HCRTR2: variants seen among roughly 807,000 people sequenced by gnomAD.
HCRTR2 encodes the protein hypocretin receptor 2.
HCRTR2 carries 22 observed loss-of-function variants against 49.0 expected under a neutral mutation model. That is an observed-to-expected ratio of 0.45 (90% CI 0.32 to 0.64). The LOEUF (loss-of-function observed/expected upper bound fraction) is 0.64. HCRTR2 is among the 30% of genes least tolerant of loss of function. HCRTR2 has a pLI of 0.04. For synonymous variants in HCRTR2, 236 were observed against 205.3 expected (o/e 1.15, Z -1.28); for missense variants, 491 against 559.4 (o/e 0.88, Z 1.23).
At chr6:55,127,164 A>G (rs772291465) in intron 1 of HCRTR2, among the ~76,000 whole-genome samples, 4 of 152,082 alleles carry the variant, frequency 2.6e-5, no homozygotes, top group African/African-American at 9.7e-5. Flanking sequence ...CCAAACGGCC[A>G]CCAAGTTTTG....
chr6:55,116,513 A>G (rs925236327), intron 1 of HCRTR2, among the ~76,000 whole-genome samples: 1 of 150,148 alleles, frequency 6.7e-6, no homozygotes, highest in African/African-American at 2.5e-5. Flanking sequence ...AGAAGAAAGG[A>G]AAGAGGGAAG....
chr6:55,238,654 A>G (rs1305080207), intron 1 of HCRTR2, among the ~76,000 whole-genome samples: 1 of 152,214 alleles, frequency 6.6e-6, no homozygotes, highest in Non-Finnish European at 1.5e-5. Flanking sequence ...AGTTGTAGTC[A>G]GAGATTCTGG....
chr6:55,231,957 G>T (rs539460248), intron 1 of HCRTR2, among the ~76,000 whole-genome samples: 5 of 152,172 alleles, frequency 3.3e-5, no homozygotes, highest in Non-Finnish European at 7.4e-5. Context: ...CACTCCTCCT[G>T]CTGTGATCAG....
intron 1 of HCRTR2, among the ~76,000 whole-genome samples, chr6:55,118,733 T>A (rs1376485877): frequency 6.6e-6 from 1 of 151,766 alleles, no homozygotes; most frequent in Non-Finnish European, 1.5e-5. Context: ...TTTTGCCCAC[T>A]TTTTAATGGG....
intron 1 of HCRTR2, among the ~76,000 whole-genome samples, chr6:55,139,771 T>C (rs1319733698): frequency 1.3e-5 from 2 of 152,184 alleles, no homozygotes; most frequent in East Asian, 3.9e-4. Flanking sequence ...TTTCTCTAGA[T>C]TGGTCAAAGA....
At chr6:55,121,412 A>C (rs1012558980) in intron 1 of HCRTR2, among the ~76,000 whole-genome samples, 1 of 152,182 alleles carries the variant, frequency 6.6e-6, no homozygotes, top group Non-Finnish European at 1.5e-5. Context: ...CAATCATGTC[A>C]TCTGCAAGCA....
At position 55,282,275 on chromosome 6, in the gene HCRTR2, G is replaced by C. The variant is rs375477231; in HGVS notation, c.1156G>C (p.Val386Leu). The change falls in exon 7 of 7, where the codon GTT becomes CTT. Residue 386 changes from valine to leucine, a missense_variant. Physicochemically the swap from Val to Leu is conservative, Grantham distance 32. Coordinates refer to ENST00000370862, the MANE Select transcript of HCRTR2 (RefSeq NM_001384272.1). Reference protein sequence around the residue: ...KAAFSCCCLGVHHRQEDRLTR... With the variant: ...KAAFSCCCLGLHHRQEDRLTR... ...TGCGTTTTCTTGCTGTTGCCTTGGA[G>C]TTCACCATCGCCAGGAGGATCGGCT... is the stretch of plus-strand genomic sequence containing the variant. 19 of 1,613,794 alleles carry C rather than the reference G, an allele frequency of 1.2e-5. No individual in the cohort carries two copies. The African/African-American group carries it at 1.9e-4, about 16-fold the overall frequency.
chr6:55,191,259 T>C (rs1765310676), intron 1 of HCRTR2, among the ~76,000 whole-genome samples: 1 of 152,166 alleles, frequency 6.6e-6, no homozygotes, highest in African/African-American at 2.4e-5. Flanking sequence ...CTTTTAAACT[T>C]ATACAACTTT....
intron 1 of HCRTR2, among the ~76,000 whole-genome samples, chr6:55,209,103 TA>T (rs1765654172): frequency 1.3e-5 from 2 of 152,200 alleles, no homozygotes; most frequent in African/African-American, 4.8e-5. Flanking sequence ...CAATGTTTTC[TA>T]AATCCATTAA....
intron 1 of HCRTR2, among the ~76,000 whole-genome samples, chr6:55,214,831 T>A (rs969902388): frequency 1.3e-5 from 2 of 151,800 alleles, no homozygotes; most frequent in African/African-American, 4.8e-5. Flanking sequence ...AGTTTAATAC[T>A]AGATTTGAAC....
chr6:55,142,992 A>ATAGG (rs1393138759), intron 1 of HCRTR2, among the ~76,000 whole-genome samples: 1 of 121,994 alleles, frequency 8.2e-6, no homozygotes, highest in Non-Finnish European at 1.8e-5. Context: ...ATGATAGATG[A>ATAGG]TAGATAGATA....
intron 1 of HCRTR2, among the ~76,000 whole-genome samples, chr6:55,209,089 C>T (rs1311915625): frequency 2.0e-5 from 3 of 152,056 alleles, no homozygotes; most frequent in African/African-American, 7.2e-5. Flanking sequence ...TAGGGTAAAT[C>T]AAACAATGTT....
intron 1 of HCRTR2, among the ~76,000 whole-genome samples, chr6:55,186,878 T>C (rs1765224334): frequency 6.6e-6 from 1 of 152,164 alleles, no homozygotes; most frequent in Non-Finnish European, 1.5e-5. Flanking sequence ...TTCTTTTCCA[T>C]TGCCAGTGAC....
intron 1 of HCRTR2, among the ~76,000 whole-genome samples, chr6:55,198,963 G>A (rs1765464351): frequency 6.6e-6 from 1 of 152,196 alleles, no homozygotes; most frequent in Non-Finnish European, 1.5e-5. Flanking sequence ...TACAACAGAA[G>A]ATAGTATTTC....
intron 4 of HCRTR2, among the ~76,000 whole-genome samples, chr6:55,271,813 A>G (rs1267257467): frequency 1.3e-5 from 2 of 152,152 alleles, no homozygotes; most frequent in Non-Finnish European, 2.9e-5. Flanking sequence ...AATCAAAATC[A>G]TGAGAAACCT....
chr6:55,274,569 C>T (rs1767042432), intron 4 of HCRTR2, among the ~76,000 whole-genome samples: 2 of 151,712 alleles, frequency 1.3e-5, no homozygotes, highest in East Asian at 1.9e-4. Context: ...AATCTGTAGG[C>T]ATTTTATTTA....
At chr6:55,229,580 G>A (rs181004211) in intron 1 of HCRTR2, among the ~76,000 whole-genome samples, 1 of 152,256 alleles carries the variant, frequency 6.6e-6, no homozygotes, top group Admixed American at 6.5e-5. Flanking sequence ...CTTTCTGAAT[G>A]CAACATCATA....
intron 1 of HCRTR2, among the ~76,000 whole-genome samples, chr6:55,119,932 T>A (rs1251185046): frequency 3.9e-5 from 6 of 152,166 alleles, no homozygotes; most frequent in Non-Finnish European, 8.8e-5. Flanking sequence ...TAATCCATCT[T>A]GAGTTGATTT....
chr6:55,225,551 T>C lies in HCRTR2; in HGVS notation c.224-23088T>C, dbSNP rs552868778. 5.3e-5 allele frequency among the ~76,000 whole-genome samples: 8 copies of C among 152,300 alleles called. 3 individuals carry two copies. The highest frequency in any genetic ancestry group is 1.9e-4 in the African/African-American group (8 of 41,572). On this transcript the variant is annotated intron_variant, in intron 1 of 6. Transcript: ENST00000370862. ...TCTTGAGAGATTCTAATATAATCTGTGCCAGACCTGCACAAGGCATAGAGA... is the reference window on the plus strand; with the variant it reads ...TCTTGAGAGATTCTAATATAATCTGCGCCAGACCTGCACAAGGCATAGAGA...
Sources: gnomAD v4.1 joint callset for allele counts (sites outside exome capture counted in the v4.1 genomes callset) on GRCh38, gnomAD v4.1.1 for gene constraint, MANE v1.5 for transcripts, NCBI Gene and HGNC (gene_info 2026-07-23, HGNC 2026-07-21) for gene names.